Variants in AGFG1 observed in about 807,000 individuals in gnomAD.
AGFG1 encodes the protein arf-GAP domain and FG repeat-containing protein 1.
In AGFG1, 10 loss-of-function variants were observed where a neutral mutation model predicts 60.6. The observed-to-expected ratio is 0.16, with a 90% confidence interval of 0.10 to 0.28. The LOEUF (loss-of-function observed/expected upper bound fraction) is 0.28. AGFG1 is among the 10% of genes least tolerant of loss of function. The pLI, the probability that AGFG1 is intolerant of heterozygous loss-of-function variation, is 1.00. For synonymous variants in AGFG1, 247 were observed against 242.9 expected (o/e 1.02, Z -0.16); for missense variants, 537 against 676.5 (o/e 0.79, Z 2.29).
chr2:227,495,124 A>T (rs141701115), intron 2 of AGFG1, among the ~76,000 whole-genome samples: 118 of 152,364 alleles, frequency 7.7e-4, no homozygotes, highest in Middle Eastern at 6.8e-3. Flanking sequence ...GCCAGATGCT[A>T]GTAAAATATT....
rs1332099935 is a variant in AGFG1 at position 227,555,565 on chromosome 2, C to T, written c.*1070C>T. 1 of 152,130 alleles carries T rather than the reference C, an allele frequency of 6.6e-6. No homozygotes were observed. Among genetic ancestry groups the T allele is most frequent in the Non-Finnish European group, 1.5e-5 (1 of 67,916 alleles). The allele number at this position is 152,130 out of a possible 1,614,324, so 9.4% of individuals were successfully genotyped here. ...CAGTTTTTTTCTTTCTTTTTTTGGGCAAACTGATATTATCTATAGGATATT... is the reference window on the plus strand; with the variant it reads ...CAGTTTTTTTCTTTCTTTTTTTGGGTAAACTGATATTATCTATAGGATATT... On this transcript the variant is annotated 3_prime_UTR_variant, in exon 13 of 13. Transcript: ENST00000310078.
At chr2:227,500,574 G>A (rs890206670) in intron 2 of AGFG1, among the ~76,000 whole-genome samples, 5 of 152,142 alleles carry the variant, frequency 3.3e-5, no homozygotes, top group Non-Finnish European at 4.4e-5. Flanking sequence ...GCCTGTTTTC[G>A]TCCCCTCCTC....
chr2:227,547,896 G>A (rs1345340446), intron 10 of AGFG1, among the ~76,000 whole-genome samples: 2 of 152,156 alleles, frequency 1.3e-5, no homozygotes, highest in Non-Finnish European at 2.9e-5. Flanking sequence ...GTACACAAAT[G>A]TTCATACCAT....
chr2:227,532,464 G>C (rs760396002), intron 6 of AGFG1, among the ~76,000 whole-genome samples: 12 of 151,972 alleles, frequency 7.9e-5, no homozygotes, highest in Non-Finnish European at 1.6e-4. Context: ...TTGTTTGCCA[G>C]CTCCTTGTAA....
intron 3 of AGFG1, among the ~76,000 whole-genome samples, chr2:227,521,673 A>G (rs1691830952): frequency 6.6e-6 from 1 of 152,190 alleles, no homozygotes; most frequent in African/African-American, 2.4e-5. Flanking sequence ...ACTTTTACCA[A>G]TTCAGAAAGT....
intron 2 of AGFG1, among the ~76,000 whole-genome samples, chr2:227,495,672 G>A (rs1225136183): frequency 1.3e-5 from 2 of 152,116 alleles, no homozygotes; most frequent in African/African-American, 4.8e-5. Flanking sequence ...AACGGAAGGT[G>A]GACTGGTGAA....
At chr2:227,526,801 C>A (rs1041040878) in intron 5 of AGFG1, among the ~76,000 whole-genome samples, 2 of 152,136 alleles carry the variant, frequency 1.3e-5, no homozygotes, top group African/African-American at 4.8e-5. Context: ...GCCTTGGCCT[C>A]CCAAAGTACT....
intron 2 of AGFG1, among the ~76,000 whole-genome samples, chr2:227,517,724 T>C (rs796567986): frequency 1.3e-5 from 2 of 152,354 alleles, no homozygotes; most frequent in African/African-American, 4.8e-5. Flanking sequence ...CTTAAATACT[T>C]GTCAGGGTTT....
chr2:227,483,353 GTTTT>G (rs1390179355), intron 1 of AGFG1, among the ~76,000 whole-genome samples: 3 of 152,070 alleles, frequency 2.0e-5, no homozygotes, highest in African/African-American at 7.2e-5. Context: ...CAGGACTACA[GTTTT>G]TTTATTTCTT....
intron 10 of AGFG1, among the ~76,000 whole-genome samples, chr2:227,539,095 G>A (rs1325187520): frequency 1.3e-5 from 2 of 152,128 alleles, no homozygotes; most frequent in African/African-American, 4.8e-5. Context: ...AGAATTTCCA[G>A]TGTTTTATAC....
chr2:227,511,120 C>T (rs1377214623), intron 2 of AGFG1, among the ~76,000 whole-genome samples: 2 of 152,114 alleles, frequency 1.3e-5, no homozygotes, highest in Non-Finnish European at 2.9e-5. Context: ...ATAGTCCTTG[C>T]TGTTGGGAAG....
chr2:227,524,936 G>A lies in AGFG1; in HGVS notation c.694+21G>A, dbSNP rs201688253. The A allele has an allele frequency of 5.9e-5, 95 of 1,612,656 alleles. 1 individual carries two copies. The highest frequency in any genetic ancestry group is 3.4e-6 in the Non-Finnish European group (4 of 1,178,776). ...TGCAGGTAAGTGTTTTTTCCCAACA[G>A]CTTTTGCTGGGGATGCATATAAAAC... is the stretch of plus-strand genomic sequence containing the variant. On this transcript the variant is annotated intron_variant, in intron 5 of 12. Coordinates refer to ENST00000310078, the MANE Select transcript of AGFG1 (RefSeq NM_004504.5).
intron 5 of AGFG1, among the ~76,000 whole-genome samples, chr2:227,530,216 G>A (rs1692118274): frequency 6.6e-6 from 1 of 152,124 alleles, no homozygotes. Flanking sequence ...GTTACATTCT[G>A]CTTAGCTTGG....
chr2:227,519,173 CAA>C (rs1196376357), intron 2 of AGFG1, among the ~76,000 whole-genome samples: 4 of 152,126 alleles, frequency 2.6e-5, no homozygotes, highest in Non-Finnish European at 5.9e-5. Context: ...CTCAAACAAA[CAA>C]AAACCAAAAC....
intron 8 of AGFG1, 84 bp downstream of exon 8, chr2:227,535,109 C>A (rs1692268661): frequency 1.5e-6 from 2 of 1,320,714 alleles, no homozygotes; most frequent in East Asian, 2.7e-5. Flanking sequence ...ATGACTGTTT[C>A]AAGGTATAAT....
intron 2 of AGFG1, among the ~76,000 whole-genome samples, chr2:227,495,414 T>G (rs940123320): frequency 2.6e-5 from 4 of 151,854 alleles, no homozygotes; most frequent in Admixed American, 2.0e-4. Context: ...GGCGTGGTGG[T>G]ACACATCTGT....
At chr2:227,476,079 A>G (rs1472475312) in intron 1 of AGFG1, among the ~76,000 whole-genome samples, 4 of 151,966 alleles carry the variant, frequency 2.6e-5, no homozygotes, top group Non-Finnish European at 5.9e-5. Context: ...TTTTTTTCAG[A>G]TGACTGTCCT....
chr2:227,544,215 C>T (rs568236928), intron 10 of AGFG1, among the ~76,000 whole-genome samples: 3 of 137,500 alleles, frequency 2.2e-5, no homozygotes, highest in Non-Finnish European at 3.0e-5. Flanking sequence ...AGTGCAGTGG[C>T]GCGATCTTGG....
intron 2 of AGFG1, among the ~76,000 whole-genome samples, chr2:227,518,908 C>CGA (rs1262797172): frequency 2.6e-5 from 4 of 152,132 alleles, no homozygotes; most frequent in Non-Finnish European, 5.9e-5. Context: ...CATGGTGGCT[C>CGA]GCGCCTGTAA....
Sources: gnomAD v4.1 joint callset for allele counts (sites outside exome capture counted in the v4.1 genomes callset) on GRCh38, gnomAD v4.1.1 for gene constraint, MANE v1.5 for transcripts, NCBI Gene and HGNC (gene_info 2026-07-23, HGNC 2026-07-21) for gene names.